The following ANKMY1 variants were observed in gnomAD, a reference collection of about 807,000 sequenced individuals.
The protein encoded by ANKMY1 is ankyrin repeat and MYND domain-containing protein 1.
In ANKMY1, 98 loss-of-function variants were observed where a neutral mutation model predicts 102.0. The observed-to-expected ratio is 0.96, with a 90% confidence interval of 0.82 to 1.14. The LOEUF is 1.14. Ranked by LOEUF, ANKMY1 falls within the 50% of genes most tolerant of loss-of-function variation. The pLI, the probability that ANKMY1 is intolerant of heterozygous loss-of-function variation, is 0.00. For missense variants in ANKMY1, 1,330 were observed against 1,347.6 expected (o/e 0.99, Z 0.20); for synonymous variants, 582 against 559.9 (o/e 1.04, Z -0.56).
chr2:240,524,741 A>T (rs1172096297), intron 7 of ANKMY1, among the ~76,000 whole-genome samples: 2 of 152,278 alleles, frequency 1.3e-5, no homozygotes, highest in African/African-American at 2.4e-5. Context: ...CCAAAATGAT[A>T]GGATTTTTAA....
chr2:240,489,727 C>T, intron 15 of ANKMY1, among the ~76,000 whole-genome samples: 1 of 152,132 alleles, frequency 6.6e-6, no homozygotes, highest in Non-Finnish European at 1.5e-5. Flanking sequence ...GTAGATTTTT[C>T]TGCATGTGTC....
At chr2:240,544,585 C>T (rs1046099035) in intron 4 of ANKMY1, among the ~76,000 whole-genome samples, 2 of 152,220 alleles carry the variant, frequency 1.3e-5, no homozygotes, top group Non-Finnish European at 2.9e-5. Context: ...TCTGCATTTC[C>T]ACCTGAGGTA....
intron 13 of ANKMY1, among the ~76,000 whole-genome samples, chr2:240,503,301 G>T (rs995322856): frequency 5.3e-4 from 80 of 152,350 alleles, no homozygotes; most frequent in African/African-American, 1.9e-3. Flanking sequence ...AGTGAGAGGA[G>T]CTAGAAATGT....
chr2:240,500,726 A>T (rs2078038686), intron 13 of ANKMY1, among the ~76,000 whole-genome samples, 161 bp from the exon 14 acceptor site: 1 of 152,210 alleles, frequency 6.6e-6, no homozygotes, highest in African/African-American at 2.4e-5. Context: ...AGGGAGATGG[A>T]GACGGGGCTG....
intron 3 of ANKMY1, chr2:240,553,555 G>A (rs1311925263): frequency 6.3e-6 from 1 of 157,760 alleles, no homozygotes; most frequent in Non-Finnish European, 1.4e-5. Context: ...ACAGGAGTGA[G>A]TGTATCAGAG....
chr2:240,483,218 A>G (rs1433749671), intron 15 of ANKMY1, among the ~76,000 whole-genome samples: 1 of 151,778 alleles, frequency 6.6e-6, no homozygotes, highest in Non-Finnish European at 1.5e-5. Context: ...GTGCAGTGGC[A>G]TGATCTTGGC....
At chr2:240,551,387 A>C (rs924247156) in intron 4 of ANKMY1, among the ~76,000 whole-genome samples, 8 of 152,190 alleles carry the variant, frequency 5.3e-5, no homozygotes, top group Non-Finnish European at 8.8e-5. Context: ...ATGTTTAATA[A>C]GAATCTGTTT....
chr2:240,471,817 G>A, the ANKMY1 span, among the ~76,000 whole-genome samples: 8 of 152,160 alleles, frequency 5.3e-5, no homozygotes, highest in Non-Finnish European at 1.0e-4. Context: ...GTTGCAGCTC[G>A]CCAAATGGGG....
At position 240,525,723 on chromosome 2, in the gene ANKMY1, T is replaced by C; in HGVS notation, c.1297A>G (p.Lys433Glu). 6.2e-7 allele frequency: 1 copy of C among 1,614,094 alleles called. No individual in the cohort carries two copies. The highest frequency in any genetic ancestry group is 8.5e-7 in the Non-Finnish European group (1 of 1,180,000). Residue 433 changes from lysine to glutamate, a missense_variant, in exon 7 of 18, where the codon AAG (lysine) becomes GAG (glutamate). Coordinates refer to ENST00000401804, the MANE Select transcript of ANKMY1 (RefSeq NM_001282771.3). ...ATGGTCCGTTCAGCAACATTGGGCT[T>C]GAAGGACTGGGCGGGGTAGTGGAGG... The part of the protein sequence containing the change: ...FLLHYPAQSF[K>E]PNVAERTIPE...
Position 240,554,869 on chromosome 2 carries a change from G to A in ANKMY1, c.333C>T (p.Gly111=), listed in dbSNP as rs372423501. The A allele has an allele frequency of 4.4e-5, 71 of 1,613,984 alleles. No homozygotes were observed. The Middle Eastern group carries it at 9.9e-4, about 22-fold the overall frequency. ...GAGAAAGTGTGGAAGCAGTTACCTC[G>A]CCTGTGGGCCAAGAGAATTTGCCAT... ...LGYGKFSWPT[G]ESYHGQFYRD... The change falls in exon 3 of 18, where the codon GGC becomes GGT. Residue 111 remains glycine, a synonymous_variant. Coordinates refer to ENST00000401804, the MANE Select transcript of ANKMY1 (RefSeq NM_001282771.3).
At chr2:240,540,276 T>G (rs1447247342) in intron 4 of ANKMY1, among the ~76,000 whole-genome samples, 1 of 152,204 alleles carries the variant, frequency 6.6e-6, no homozygotes, top group Non-Finnish European at 1.5e-5. Flanking sequence ...CTTAAACACA[T>G]AAGACTGATC....
Position 240,555,105 on chromosome 2 carries a change from T to C in ANKMY1, c.147-50A>G, listed in dbSNP as rs1203152852. The C allele has an allele frequency of 1.9e-6, 3 of 1,588,048 alleles. No individual in the cohort carries two copies. The South Asian group carries it at 3.3e-5, about 18-fold the overall frequency. On this transcript the variant is annotated intron_variant, in intron 2 of 17. Coordinates refer to ENST00000401804, the MANE Select transcript of ANKMY1 (RefSeq NM_001282771.3). ...GGAAGAGTGAAGTGGCTGCAGTGCCTTCAGTGACTGCTGAGCACAACCCCC... is the reference window on the plus strand; with the variant it reads ...GGAAGAGTGAAGTGGCTGCAGTGCCCTCAGTGACTGCTGAGCACAACCCCC...
At chr2:240,523,829 T>C (rs1284126143) in intron 8 of ANKMY1, 56 bp downstream of exon 8, 2 of 1,577,948 alleles carry the variant, frequency 1.3e-6, no homozygotes, top group East Asian at 2.3e-5. Context: ...CTGCTGAGCA[T>C]AGGATTCAGC....
intron 4 of ANKMY1, chr2:240,532,283 A>C (rs1648471584): frequency 3.2e-6 from 1 of 315,264 alleles, no homozygotes; most frequent in African/African-American, 2.3e-5. Flanking sequence ...TGTGCTCAAG[A>C]AAATAACTGT....
At chr2:240,479,974 G>T (rs1226143095) in intron 17 of ANKMY1, among the ~76,000 whole-genome samples, 7 of 152,192 alleles carry the variant, frequency 4.6e-5, no homozygotes, top group Non-Finnish European at 1.0e-4. Flanking sequence ...CACTTTGGGA[G>T]GCCGAGGTGG....
intron 13 of ANKMY1, among the ~76,000 whole-genome samples, chr2:240,500,839 C>T (rs529736274): frequency 6.6e-6 from 1 of 152,354 alleles, no homozygotes; most frequent in African/African-American, 2.4e-5. Flanking sequence ...ACCCGACTCC[C>T]AGCACCATAG....
intron 6 of ANKMY1, 37 bp downstream of exon 6, chr2:240,526,192 C>T (rs1339973757): frequency 3.1e-6 from 5 of 1,612,000 alleles, no homozygotes; most frequent in Non-Finnish European, 4.2e-6. Flanking sequence ...CACAGCTAAG[C>T]TCCTGCGGGC....
chr2:240,511,410 T>C (rs554541820), intron 11 of ANKMY1, among the ~76,000 whole-genome samples: 1 of 151,990 alleles, frequency 6.6e-6, no homozygotes, highest in South Asian at 2.1e-4. Flanking sequence ...ATCCTCGGAG[T>C]GGTTCCCACA....
chr2:240,557,046 T>C, intron 2 of ANKMY1, 144 bp downstream of exon 2: 1 of 962,358 alleles, frequency 1.0e-6, no homozygotes, highest in Non-Finnish European at 1.4e-6. Context: ...TGACACAGTG[T>C]TGAGGCTTTC....
Sources: gnomAD v4.1 joint callset for allele counts (sites outside exome capture counted in the v4.1 genomes callset) on GRCh38, gnomAD v4.1.1 for gene constraint, MANE v1.5 for transcripts, NCBI Gene and HGNC (gene_info 2026-07-23, HGNC 2026-07-21) for gene names.